The following EPHA6 variants were observed in gnomAD, a reference collection of about 807,000 sequenced individuals.
EPHA6 encodes the protein EPH receptor A6, also known as ephrin type-A receptor 6.
Under a neutral mutation model 112.0 loss-of-function variants are expected in EPHA6, and 50 were observed. That is an observed-to-expected ratio of 0.45 (90% CI 0.36 to 0.56). EPHA6 has a LOEUF of 0.56. Among genes scored for constraint, EPHA6 ranks in the 20% least tolerant of loss-of-function variants. The probability of loss-of-function intolerance (pLI) is 0.00; values close to 1 mark genes in which losing one functional copy is unlikely to be tolerated. For synonymous variants in EPHA6, 529 were observed against 490.7 expected, an observed-to-expected ratio of 1.08 and a Z score of -1.03; for missense variants, 1,280 against 1,417.4, an observed-to-expected ratio of 0.90 and a Z score of 1.56.
At position 97,614,502 on chromosome 3, in the gene EPHA6, T is replaced by TA. The variant is rs1491575306; in HGVS notation, c.2574+3648_2574+3649insA. 4.8e-5 allele frequency among the ~76,000 whole-genome samples: 4 copies of TA among 84,178 alleles called. No homozygotes were observed. In the East Asian group the frequency reaches 1.5e-3, roughly 31 times the overall value. The allele number at this position is 84,178 out of a possible 152,430, so 55.2% of individuals were successfully genotyped here. A position where few individuals can be genotyped will look rare whatever the true frequency, so the allele number is the denominator to read the frequency against. On this transcript the variant is annotated intron_variant, in intron 13 of 17. Transcript: ENST00000389672. Reference sequence around the variant, plus strand: ...GGTGTGCACCACCACACCCAGCTAATTTTTTTTTTTTTTTTTTTTTTTTTG... The same window carrying TA: ...GGTGTGCACCACCACACCCAGCTAATATTTTTTTTTTTTTTTTTTTTTTTTG...
intron 3 of EPHA6, among the ~76,000 whole-genome samples, chr3:97,164,243 T>A (rs1473409714): frequency 1.3e-5 from 2 of 152,222 alleles, no homozygotes; most frequent in South Asian, 2.1e-4. Context: ...TGCCAGATTG[T>A]GCTAGGGACT....
At chr3:97,099,417 T>G (rs1051648180) in intron 3 of EPHA6, among the ~76,000 whole-genome samples, 4 of 151,954 alleles carry the variant, frequency 2.6e-5, no homozygotes, top group Non-Finnish European at 4.4e-5. Context: ...TGATATTCAC[T>G]AATATTTTCA....
At chr3:97,045,490 T>G (rs1428093748) in intron 3 of EPHA6, among the ~76,000 whole-genome samples, 1 of 151,968 alleles carries the variant, frequency 6.6e-6, no homozygotes, top group Non-Finnish European at 1.5e-5. Flanking sequence ...TTTTTTTCTT[T>G]CCTTCCTGGG....
rs1357173970 is a variant in EPHA6, at chr3:97,703,836, A to T, written c.2785-16425A>T. Among the ~76,000 whole-genome samples, 4 of 152,116 alleles carry T rather than the reference A, an allele frequency of 2.6e-5. No homozygotes were observed. The East Asian group carries it at 7.7e-4, about 29-fold the overall frequency. Reference sequence around the variant, plus strand: ...TTGTTTTCAGGGGGAAAAAAGTAAAAATTGTTCGTATAGAATTTCATAACT... The same window carrying T: ...TTGTTTTCAGGGGGAAAAAAGTAAATATTGTTCGTATAGAATTTCATAACT... On this transcript the variant is annotated intron_variant, in intron 14 of 17. Coordinates refer to ENST00000389672, the MANE Select transcript of EPHA6 (RefSeq NM_001080448.3).
intron 11 of EPHA6, among the ~76,000 whole-genome samples, chr3:97,564,506 A>T (rs2093235212): frequency 6.6e-6 from 1 of 152,190 alleles, no homozygotes; most frequent in Non-Finnish European, 1.5e-5. Flanking sequence ...GACAAAATAC[A>T]CATTTTAGAT....
At chr3:97,408,516 C>T (rs991033700) in intron 6 of EPHA6, among the ~76,000 whole-genome samples, 3 of 151,964 alleles carry the variant, frequency 2.0e-5, no homozygotes, top group Admixed American at 1.3e-4. Flanking sequence ...TAGTCTGTTT[C>T]GGCTATGTGA....
chr3:97,689,706 T>A (rs2032522046), intron 14 of EPHA6, among the ~76,000 whole-genome samples: 1 of 152,206 alleles, frequency 6.6e-6, no homozygotes, highest in Non-Finnish European at 1.5e-5. Flanking sequence ...TTTTTTTGTA[T>A]ATTTATAGAG....
chr3:97,122,921 T>G (rs2048082909), intron 3 of EPHA6, among the ~76,000 whole-genome samples: 1 of 152,044 alleles, frequency 6.6e-6, no homozygotes, highest in African/African-American at 2.4e-5. Context: ...TTGGAGTGTT[T>G]GAAAAAATAT....
chr3:97,035,057 A>T (rs565357230), intron 3 of EPHA6, among the ~76,000 whole-genome samples: 1 of 152,032 alleles, frequency 6.6e-6, no homozygotes, highest in South Asian at 2.1e-4. Flanking sequence ...TAACACCCTG[A>T]CTTTGTTTTG....
At chr3:97,350,448 T>C (rs190696312) in intron 5 of EPHA6, among the ~76,000 whole-genome samples, 32 of 152,222 alleles carry the variant, frequency 2.1e-4, no homozygotes, top group Admixed American at 1.8e-3. Context: ...TTTAGGAAAT[T>C]TCACAAATAT....
At chr3:97,342,149 T>C (rs1200288323) in intron 5 of EPHA6, among the ~76,000 whole-genome samples, 2 of 152,212 alleles carry the variant, frequency 1.3e-5, no homozygotes, top group Non-Finnish European at 1.5e-5. Context: ...CCTTTTACTT[T>C]CGAATTTTCA....
chr3:97,149,872 A>G (rs562216566), intron 3 of EPHA6, among the ~76,000 whole-genome samples: 3 of 149,692 alleles, frequency 2.0e-5, no homozygotes, highest in East Asian at 3.9e-4. Context: ...CATTATATGC[A>G]TTATATATAA....
Position 97,064,847 on chromosome 3 carries a change from C to G in EPHA6, c.1114+76854C>G, listed in dbSNP as rs188163010. On this transcript the variant is annotated intron_variant, in intron 3 of 17. Transcript: ENST00000389672. Reference sequence around the variant, plus strand: ...GAGAAAGCTCCTGTACTTCACAAACCACATTTGCTTCATCGTGACTGCTGC... The same window carrying G: ...GAGAAAGCTCCTGTACTTCACAAACGACATTTGCTTCATCGTGACTGCTGC... 4.9e-4 allele frequency among the ~76,000 whole-genome samples: 75 copies of G among 152,246 alleles called. 1 individual carries two copies. The highest frequency in any genetic ancestry group is 1.8e-3 in the African/African-American group (75 of 41,556).
intron 5 of EPHA6, among the ~76,000 whole-genome samples, chr3:97,273,962 C>CT (rs1276719362): frequency 1.3e-5 from 2 of 152,124 alleles, no homozygotes; most frequent in African/African-American, 4.8e-5. Context: ...GGCAAATCCC[C>CT]GAGCTTTATG....
intron 3 of EPHA6, among the ~76,000 whole-genome samples, chr3:97,197,856 A>G (rs2077480749): frequency 6.6e-6 from 1 of 152,096 alleles, no homozygotes; most frequent in Non-Finnish European, 1.5e-5. Context: ...TCTGACTCCC[A>G]GAATGGACAA....
At chr3:97,553,122 A>T (rs1243349100) in intron 11 of EPHA6, among the ~76,000 whole-genome samples, 1 of 152,078 alleles carries the variant, frequency 6.6e-6, no homozygotes, top group African/African-American at 2.4e-5. Context: ...GTTTTGCAAA[A>T]TTCTTAGGAA....
At position 97,758,781 on chromosome 3, in the gene EPHA6, A is replaced by C. The variant is rs1234507172; in HGVS notation, c.*10080A>C. 6.6e-6 allele frequency among the ~76,000 whole-genome samples: 1 copy of C among 151,902 alleles called. No individual in the cohort carries two copies. The highest frequency in any genetic ancestry group is 1.5e-5 in the Non-Finnish European group (1 of 67,880). ...AGAAGATATGGGGGAAGAGCATTAC[A>C]AGCAGAGGGAAAATTTAATGAATGA... On this transcript the variant is annotated 3_prime_UTR_variant, in exon 18 of 18. Transcript: ENST00000389672.
At chr3:96,890,579 C>G (rs1226419254) in intron 2 of EPHA6, among the ~76,000 whole-genome samples, 1 of 151,504 alleles carries the variant, frequency 6.6e-6, no homozygotes, top group Admixed American at 6.6e-5. Context: ...TTTTTTGGTT[C>G]CAAAATTGTT....
intron 2 of EPHA6, among the ~76,000 whole-genome samples, chr3:96,965,981 T>C (rs1156564503): frequency 6.6e-6 from 1 of 152,094 alleles, no homozygotes; most frequent in Admixed American, 6.6e-5. Flanking sequence ...TGTATTCTGT[T>C]CCATGATCTA....
Sources: allele counts gnomAD v4.1 joint callset (sites outside exome capture counted in the v4.1 genomes callset), GRCh38; gene constraint gnomAD v4.1.1; transcripts MANE v1.5; gene names NCBI Gene and HGNC (gene_info 2026-07-23, HGNC 2026-07-21).